SNX2: variants seen among roughly 807,000 people sequenced by gnomAD.
SNX2 encodes sorting nexin 2, also known as sorting nexin-2.
A neutral mutation model predicts 69.9 loss-of-function variants in SNX2; 25 were observed. The ratio of observed to expected loss-of-function variants is 0.36; its 90% CI spans 0.26 to 0.50. SNX2 has a LOEUF of 0.50. Among genes scored for constraint, SNX2 ranks in the 20% least tolerant of loss-of-function variants. The pLI is 0.97. For missense variants in SNX2, 551 were observed against 613.3 expected (o/e 0.90, Z 1.07); for synonymous variants, 229 against 200.4 (o/e 1.14, Z -1.20).
chr5:122,789,832 A>G (rs113271821), intron 1 of SNX2, among the ~76,000 whole-genome samples: 10 of 152,264 alleles, frequency 6.6e-5, no homozygotes, highest in Admixed American at 2.6e-4. Context: ...ACCTTTTATG[A>G]TCTGTCAGAA....
At chr5:122,804,605 G>A (rs1171561363) in intron 6 of SNX2, among the ~76,000 whole-genome samples, 3 of 151,982 alleles carry the variant, frequency 2.0e-5, no homozygotes, top group Non-Finnish European at 4.4e-5. Flanking sequence ...CTGACCTTGT[G>A]ATCTGCCTGC....
rs916948950 is a variant in SNX2 at position 122,831,573 on chromosome 5, C to A, written c.*1925C>A. Among the ~76,000 whole-genome samples, 1 of 152,172 alleles carries A rather than the reference C, an allele frequency of 6.6e-6. No individual in the cohort carries two copies. Among genetic ancestry groups the A allele is most frequent in the East Asian group, 1.9e-4 (1 of 5,194 alleles). On this transcript the variant is annotated 3_prime_UTR_variant, in exon 15 of 15. Coordinates refer to ENST00000379516, the MANE Select transcript of SNX2 (RefSeq NM_003100.4). Reference sequence around the variant, plus strand: ...GAAACTGAAGCAGAAATAGTACAATCATCTTTTGTTGCTTCTGGGAATACT... The same window carrying A: ...GAAACTGAAGCAGAAATAGTACAATAATCTTTTGTTGCTTCTGGGAATACT...
At position 122,827,416 on chromosome 5, in the gene SNX2, A is replaced by G. The variant is rs2150018679; in HGVS notation, c.1394A>G (p.Glu465Gly). The G allele has an allele frequency of 1.2e-6, 2 of 1,613,582 alleles. No homozygotes were observed. Among genetic ancestry groups the G allele is most frequent in the South Asian group, 2.2e-5 (2 of 91,056 alleles). The change falls in exon 13 of 15, where the codon GAA becomes GGA. Residue 465 changes from glutamate to glycine, a missense_variant. Glu to Gly is a moderately conservative substitution (Grantham distance 98). Transcript: ENST00000379516. The stretch of plus-strand genomic sequence containing the variant: ...GTGCAACAAGGGGAAAGAGATTTTG[A>G]ACAGATATCTAAAACGATTCGAAAA... Reference protein sequence around the residue: ...AKVQQGERDFEQISKTIRKEV... With the variant: ...AKVQQGERDFGQISKTIRKEV...
intron 3 of SNX2, among the ~76,000 whole-genome samples, chr5:122,801,187 T>C (rs748383149): frequency 1.6e-4 from 24 of 152,124 alleles, no homozygotes; most frequent in Non-Finnish European, 3.2e-4. Flanking sequence ...AATGCTAGTA[T>C]TAAAATTAAT....
At chr5:122,775,781 T>C (rs1752843640) in intron 1 of SNX2, 1 of 985,230 alleles carries the variant, frequency 1.0e-6, no homozygotes, top group African/African-American at 1.7e-5. Context: ...ATTTGCCTCT[T>C]TTTGTTTGTC....
chr5:122,814,464 G>A lies in SNX2; in HGVS notation c.723-1432G>A, dbSNP rs1753855954. ...CTTATGTGGGCTACTGACTTAAAAC[G>A]AAGTTTAGTATGCTGTATATTTTAT... On this transcript the variant is annotated intron_variant, in intron 7 of 14. Coordinates refer to ENST00000379516, the MANE Select transcript of SNX2 (RefSeq NM_003100.4). 2.6e-5 allele frequency among the ~76,000 whole-genome samples: 4 copies of A among 152,078 alleles called. No homozygotes were observed. The South Asian group carries it at 6.2e-4, about 24-fold the overall frequency.
chr5:122,793,719 G>A (rs144282321), intron 1 of SNX2, among the ~76,000 whole-genome samples: 16,041 of 151,778 alleles, frequency 0.11, 1,213 homozygotes, highest in East Asian at 0.35. Flanking sequence ...AGACCAGCCT[G>A]GCCAACATGG....
chr5:122,800,248 A>G (rs1043712996), intron 3 of SNX2, among the ~76,000 whole-genome samples: 2 of 152,160 alleles, frequency 1.3e-5, no homozygotes, highest in Admixed American at 6.5e-5. Flanking sequence ...AGAAGGGAGG[A>G]TGTATATCAG....
intron 1 of SNX2, among the ~76,000 whole-genome samples, chr5:122,779,112 A>G (rs1752915206): frequency 6.6e-6 from 1 of 152,208 alleles, no homozygotes; most frequent in Admixed American, 6.5e-5. Context: ...AAAAAAGGTC[A>G]GGAATTTATA....
chr5:122,804,047 G>A lies in SNX2; in HGVS notation c.643+434G>A, dbSNP rs969460273. On this transcript the variant is annotated intron_variant, in intron 6 of 14. Coordinates refer to ENST00000379516, the MANE Select transcript of SNX2 (RefSeq NM_003100.4). ...CCAGCTACTCGGTGGGCTGAGGCAG[G>A]AGAATCACTTGAACTCAGAAGGCGG... Among the ~76,000 whole-genome samples, 5 of 151,992 alleles carry A rather than the reference G, an allele frequency of 3.3e-5. 1 individual carries two copies. The highest frequency in any genetic ancestry group is 6.6e-5 in the Admixed American group (1 of 15,266).
At chr5:122,816,086 A>G (rs369927312) in intron 8 of SNX2, 115 bp downstream of exon 8, 44 of 489,896 alleles carry the variant, frequency 9.0e-5, no homozygotes, top group East Asian at 4.9e-4. Context: ...AGCAATTATT[A>G]TTATTATGTT....
intron 11 of SNX2, among the ~76,000 whole-genome samples, chr5:122,825,366 A>G (rs939829847): frequency 9.2e-5 from 14 of 151,816 alleles, no homozygotes; most frequent in African/African-American, 3.4e-4. Flanking sequence ...TCTTTTCTCT[A>G]TTCACTTGCC....
At chr5:122,819,285 A>ATT (rs1463201674) in intron 11 of SNX2, among the ~76,000 whole-genome samples, 2 of 152,250 alleles carry the variant, frequency 1.3e-5, no homozygotes, top group Non-Finnish European at 2.9e-5. Flanking sequence ...TTGCTTATAC[A>ATT]AGTTTGGAAC....
intron 7 of SNX2, among the ~76,000 whole-genome samples, chr5:122,813,280 CATA>C (rs1439787760): frequency 1.3e-5 from 2 of 151,684 alleles, no homozygotes; most frequent in Non-Finnish European, 2.9e-5. Flanking sequence ...ATTATGTAAA[CATA>C]TATATAAAAG....
chr5:122,793,493 G>A (rs1753291785), intron 1 of SNX2, among the ~76,000 whole-genome samples: 1 of 152,198 alleles, frequency 6.6e-6, no homozygotes, highest in African/African-American at 2.4e-5. Context: ...AGGTTTGATG[G>A]TAATGGTCTT....
At chr5:122,787,655 C>T (rs1007806505) in intron 1 of SNX2, among the ~76,000 whole-genome samples, 2 of 152,202 alleles carry the variant, frequency 1.3e-5, no homozygotes, top group Non-Finnish European at 2.9e-5. Context: ...GACTGCTCCC[C>T]AGCAGCCTCT....
chr5:122,780,003 T>C (rs1752936551), intron 1 of SNX2, among the ~76,000 whole-genome samples: 2 of 152,338 alleles, frequency 1.3e-5, no homozygotes, highest in South Asian at 2.1e-4. Context: ...AAAGAGAACT[T>C]ATGTAATAAC....
At chr5:122,787,138 A>G (rs1035577161) in intron 1 of SNX2, among the ~76,000 whole-genome samples, 1 of 152,168 alleles carries the variant, frequency 6.6e-6, no homozygotes, top group Admixed American at 6.5e-5. Flanking sequence ...TCCACTAGAA[A>G]ATAGCTCTTT....
rs1754292438 is a variant in SNX2, at chr5:122,831,618, ATAG to A, written c.*1973_*1975del. On this transcript the variant is annotated 3_prime_UTR_variant, in exon 15 of 15. Transcript: ENST00000379516. ...AATACTTTTCAGAAACGAATAATTC[ATAG>A]TAATATATATCAGATGCTATCTTGT... 6.6e-6 allele frequency among the ~76,000 whole-genome samples: 1 copy of A among 152,246 alleles called. No individual in the cohort carries two copies. Among genetic ancestry groups the A allele is most frequent in the Non-Finnish European group, 1.5e-5 (1 of 68,040 alleles).
Sources: gnomAD v4.1 joint callset for allele counts (sites outside exome capture counted in the v4.1 genomes callset) on GRCh38, gnomAD v4.1.1 for gene constraint, MANE v1.5 for transcripts, NCBI Gene and HGNC (gene_info 2026-07-23, HGNC 2026-07-21) for gene names.